B3GALT5: variants seen among roughly 807,000 people sequenced by gnomAD.
B3GALT5 encodes the protein UDP-Gal:betaGlcNAc beta 1,3-galactosyltransferase, polypeptide 5.
For synonymous variants in B3GALT5, 156 were observed against 158.6 expected (o/e 0.98, Z 0.12); for missense variants, 328 against 396.6 (o/e 0.83, Z 1.47).
intron 1 of B3GALT5, among the ~76,000 whole-genome samples, chr21:39,621,895 T>C (rs1457656821): frequency 6.6e-6 from 1 of 152,144 alleles, no homozygotes; most frequent in Non-Finnish European, 1.5e-5. Context: ...TTTTATTCTG[T>C]GTATCAATGA....
intron 1 of B3GALT5, among the ~76,000 whole-genome samples, chr21:39,644,904 G>C (rs497930): frequency 6.6e-6 from 1 of 151,784 alleles, no homozygotes; most frequent in African/African-American, 2.4e-5. Flanking sequence ...GACTGTCTTG[G>C]GGGGATGGAT....
At chr21:39,660,156 T>C (rs2146218249) in intron 3 of B3GALT5, among the ~76,000 whole-genome samples, 1 of 152,294 alleles carries the variant, frequency 6.6e-6, no homozygotes, top group South Asian at 2.1e-4. Context: ...ATGCAAGTGG[T>C]CCATACATTT....
chr21:39,650,235 G>A (rs1380288576), intron 2 of B3GALT5, among the ~76,000 whole-genome samples: 1 of 152,128 alleles, frequency 6.6e-6, no homozygotes, highest in Non-Finnish European at 1.5e-5. Context: ...TACTCCTGTG[G>A]GTCAGGGCCC....
intron 1 of B3GALT5, among the ~76,000 whole-genome samples, chr21:39,628,525 C>T (rs937658340): frequency 3.9e-5 from 6 of 152,224 alleles, no homozygotes; most frequent in South Asian, 2.1e-4. Context: ...TAGCACAAAA[C>T]GGTGCCTAAG....
At chr21:39,652,455 A>G (rs2079405014) in intron 2 of B3GALT5, among the ~76,000 whole-genome samples, 1 of 152,222 alleles carries the variant, frequency 6.6e-6, no homozygotes, top group South Asian at 2.1e-4. Context: ...CCAGTTTGGC[A>G]CAAGGGCACA....
rs568457647 is a variant in B3GALT5, at chr21:39,663,860, G to A, written c.*2368G>A. 6.6e-6 allele frequency: 1 copy of A among 152,312 alleles called. No individual in the cohort carries two copies. The highest frequency in any genetic ancestry group is 1.9e-4 in the East Asian group (1 of 5,138). The allele number at this position is 152,312 out of a possible 1,614,324, so 9.4% of individuals were successfully genotyped here. ...CTGTCTTGTCTGGATGTGAGAGTGA[G>A]AAACAATGTGAAAGCATGAGTGAGG... On this transcript the variant is annotated 3_prime_UTR_variant, in exon 4 of 4. Transcript: ENST00000684187.
At chr21:39,633,356 T>C (rs185145173) in intron 1 of B3GALT5, among the ~76,000 whole-genome samples, 140 of 152,296 alleles carry the variant, frequency 9.2e-4, no homozygotes, top group Non-Finnish European at 1.6e-3. Context: ...GACATTCATT[T>C]CCTTGGTTCT....
rs190984353 is a variant in B3GALT5, at chr21:39,660,552, C to T, written c.1-8C>T. Reference sequence around the variant, plus strand: ...TGAGGTCTAATCATTGGATTTTGTTCCTTTCAGATGGCTTTCCCGAAGATG... The same window carrying T: ...TGAGGTCTAATCATTGGATTTTGTTTCTTTCAGATGGCTTTCCCGAAGATG... On this transcript the variant is annotated splice_polypyrimidine_tract_variant and splice_region_variant and intron_variant, in intron 3 of 3. Transcript: ENST00000684187. 15,286 of 1,413,876 alleles carry T rather than the reference C, an allele frequency of 0.011. 154 individuals carry two copies. Among genetic ancestry groups the T allele is most frequent in the Non-Finnish European group, 0.012 (12,453 of 1,080,260 alleles). 87.6% of individuals were successfully genotyped at this position (1,413,876 alleles called of 1,614,324 possible). A position where few individuals can be genotyped will look rare whatever the true frequency, so the allele number is the denominator to read the frequency against.
intron 2 of B3GALT5, among the ~76,000 whole-genome samples, chr21:39,655,873 C>G (rs1329486637): frequency 6.6e-6 from 1 of 152,124 alleles, no homozygotes; most frequent in Non-Finnish European, 1.5e-5. Flanking sequence ...TCGTCCACCC[C>G]CGTCATGCTC....
chr21:39,650,341 C>G (rs1197815040), intron 2 of B3GALT5, among the ~76,000 whole-genome samples: 1 of 152,178 alleles, frequency 6.6e-6, no homozygotes, highest in Non-Finnish European at 1.5e-5. Flanking sequence ...TCCAACAGGG[C>G]GTGTTCCTGC....
chr21:39,669,469 A>C lies in B3GALT5; in HGVS notation c.*7977A>C, dbSNP rs1045325652. The C allele has an allele frequency of 2.0e-5, 3 of 152,202 alleles. No homozygotes were observed. Among genetic ancestry groups the C allele is most frequent in the Non-Finnish European group, 4.4e-5 (3 of 68,046 alleles). The allele number at this position is 152,202 out of a possible 1,614,324, so 9.4% of individuals were successfully genotyped here. On this transcript the variant is annotated 3_prime_UTR_variant, in exon 4 of 4. Coordinates refer to ENST00000684187, the MANE Select transcript of B3GALT5 (RefSeq NM_001356336.2). Reference sequence around the variant, plus strand: ...TGACCGGGCATCCTGAATGAGGGTCAAGCTGAGGTTCGAGGCCGTGGGTTT... The same window carrying C: ...TGACCGGGCATCCTGAATGAGGGTCCAGCTGAGGTTCGAGGCCGTGGGTTT...
At chr21:39,635,630 C>T (rs922786947) in intron 1 of B3GALT5, among the ~76,000 whole-genome samples, 1 of 152,128 alleles carries the variant, frequency 6.6e-6, no homozygotes, top group Non-Finnish European at 1.5e-5. Context: ...AGGCCTGTGC[C>T]ACCACACCCA....
chr21:39,651,449 C>A (rs1424632196), intron 2 of B3GALT5, among the ~76,000 whole-genome samples: 2 of 152,196 alleles, frequency 1.3e-5, no homozygotes, highest in African/African-American at 4.8e-5. Context: ...AAGCCTTGAG[C>A]CCTGCCTTCC....
At chr21:39,634,181 A>T (rs2079210393) in intron 1 of B3GALT5, among the ~76,000 whole-genome samples, 1 of 152,176 alleles carries the variant, frequency 6.6e-6, no homozygotes, top group East Asian at 1.9e-4. Context: ...TTGGTGATGC[A>T]CTAATGGGTC....
chr21:39,618,180 G>A (rs192057628), intron 1 of B3GALT5, among the ~76,000 whole-genome samples: 3 of 151,972 alleles, frequency 2.0e-5, no homozygotes, highest in Non-Finnish European at 4.4e-5. Context: ...TTGTAGGATT[G>A]TACTACAATT....
In B3GALT5 at chr21:39,660,705, A is replaced by G. The variant is rs755803218; in HGVS notation, c.146A>G (p.Asp49Gly). 3 of 1,559,124 alleles carry G rather than the reference A, an allele frequency of 1.9e-6. No homozygotes were observed. Among genetic ancestry groups the G allele is most frequent in the Non-Finnish European group, 2.6e-6 (3 of 1,155,384 alleles). The change falls in exon 4 of 4, where the codon GAT becomes GGT. Residue 49 changes from aspartate (D) to glycine (G), a missense_variant. By Grantham distance (94) the Asp-to-Gly change is moderately conservative. Coordinates refer to ENST00000684187, the MANE Select transcript of B3GALT5 (RefSeq NM_001356336.2). The part of the protein sequence containing the change: ...KKDGNFLKLP[D>G]TDCRQTPPFL... ...GACGGGAACTTCCTTAAGCTCCCAG[A>G]TACAGACTGCAGGCAGACACCTCCC...
chr21:39,639,364 T>C (rs2079261865), intron 1 of B3GALT5, among the ~76,000 whole-genome samples: 1 of 134,362 alleles, frequency 7.4e-6, no homozygotes. Flanking sequence ...CCTTCCTTCC[T>C]TCCTTCCTTC....
intron 2 of B3GALT5, among the ~76,000 whole-genome samples, chr21:39,656,662 C>A (rs1296783799): frequency 6.6e-6 from 1 of 152,174 alleles, no homozygotes. Context: ...GTTTTCCAGT[C>A]CTTAGAGAGG....
At chr21:39,622,926 C>T (rs537167) in intron 1 of B3GALT5, among the ~76,000 whole-genome samples, 15,349 of 152,024 alleles carry the variant, frequency 0.1, 879 homozygotes, top group Middle Eastern at 0.15. Flanking sequence ...TGTATTTTAA[C>T]GATATATAAA....
Sources: gnomAD v4.1 joint callset for allele counts (sites outside exome capture counted in the v4.1 genomes callset) on GRCh38, gnomAD v4.1.1 for gene constraint, MANE v1.5 for transcripts, NCBI Gene and HGNC (gene_info 2026-07-23, HGNC 2026-07-21) for gene names.